TUT4: variants seen among roughly 807,000 people sequenced by gnomAD.
TUT4 encodes terminal uridylyltransferase 4.
Under a neutral mutation model 192.2 loss-of-function variants are expected in TUT4, and 36 were observed. The ratio of observed to expected loss-of-function variants is 0.19; its 90% CI spans 0.14 to 0.25. TUT4 has a LOEUF of 0.25. Ranked by LOEUF, TUT4 falls within the 10% of genes least tolerant of loss-of-function variation. The pLI, the probability that TUT4 is intolerant of heterozygous loss-of-function variation, is 1.00. For missense variants in TUT4, 1,493 were observed against 1,957.2 expected (o/e 0.76, Z 4.47); for synonymous variants, 618 against 666.0 (o/e 0.93, Z 1.11).
Position 52,495,487 on chromosome 1 carries a change from A to G in TUT4, c.1206T>C (p.Ser402=), listed in dbSNP as rs748967117. ...PECSLRLYGS[S]LTRFALKSSD... is the part of the protein sequence containing the mutation. Reference sequence around the variant, plus strand: ...TACTTTTCAGAGCAAATCTAGTCAGAGATGAGCCATACAACCTAAGTGAAC... The same window carrying G: ...TACTTTTCAGAGCAAATCTAGTCAGGGATGAGCCATACAACCTAAGTGAAC... The change falls in exon 6 of 30, where the codon TCT becomes TCC. Residue 402 remains serine, a synonymous_variant. Coordinates refer to ENST00000257177, the MANE Select transcript of TUT4 (RefSeq NM_001009881.3). 1.2e-6 allele frequency: 2 copies of G among 1,611,098 alleles called. No individual in the cohort carries two copies. The highest frequency in any genetic ancestry group is 2.2e-5 in the South Asian group (2 of 90,586).
At chr1:52,505,483 G>A (rs562832890) in intron 4 of TUT4, among the ~76,000 whole-genome samples, 88 of 141,202 alleles carry the variant, frequency 6.2e-4, no homozygotes, top group Non-Finnish European at 9.9e-4. Flanking sequence ...GTGCAGTGGC[G>A]CCATCTCAGC....
chr1:52,510,794 T>C (rs904056610), intron 3 of TUT4, among the ~76,000 whole-genome samples: 3 of 152,176 alleles, frequency 2.0e-5, no homozygotes, highest in Non-Finnish European at 2.9e-5. Context: ...CAAAAGCCCA[T>C]AGAACCTGCA....
chr1:52,518,654 C>T (rs543181607), intron 2 of TUT4, among the ~76,000 whole-genome samples: 1 of 152,314 alleles, frequency 6.6e-6, no homozygotes, highest in South Asian at 2.1e-4. Flanking sequence ...GGTACTGATA[C>T]ACGTTACAAC....
chr1:52,541,822 A>G (rs1331081819), intron 1 of TUT4, among the ~76,000 whole-genome samples: 1 of 152,252 alleles, frequency 6.6e-6, no homozygotes, highest in Non-Finnish European at 1.5e-5. Context: ...AAAATTAAAC[A>G]TAGAATGATC....
intron 7 of TUT4, among the ~76,000 whole-genome samples, chr1:52,491,148 T>C (rs1671048631): frequency 6.6e-6 from 1 of 152,190 alleles, no homozygotes; most frequent in Non-Finnish European, 1.5e-5. Flanking sequence ...CACCCCTTAC[T>C]CCTGAGAGCT....
intron 9 of TUT4, among the ~76,000 whole-genome samples, chr1:52,484,498 G>A (rs551316642): frequency 6.6e-6 from 1 of 151,974 alleles, no homozygotes; most frequent in South Asian, 2.1e-4. Flanking sequence ...ACACCTTCTA[G>A]GTATCCTATC....
chr1:52,546,761 T>C (rs893124232), intron 1 of TUT4, among the ~76,000 whole-genome samples: 1 of 152,204 alleles, frequency 6.6e-6, no homozygotes, highest in Non-Finnish European at 1.5e-5. Context: ...GTACACTTTA[T>C]CACAATTTTT....
intron 1 of TUT4, among the ~76,000 whole-genome samples, 158 bp downstream of exon 1, chr1:52,552,773 G>A (rs1571620242): frequency 6.6e-6 from 1 of 152,208 alleles, no homozygotes; most frequent in African/African-American, 2.4e-5. Flanking sequence ...AGGAAAGAAA[G>A]AAGTGTCAGG....
chr1:52,495,372 TA>T, intron 6 of TUT4, 54 bp downstream of exon 6: 1 of 1,122,708 alleles, frequency 8.9e-7, no homozygotes, highest in Non-Finnish European at 1.3e-6. Flanking sequence ...AGATAATCCA[TA>T]AAAATTACTA....
chr1:52,432,779 A>C (rs1347833629), intron 27 of TUT4: 1 of 152,132 alleles, frequency 6.6e-6, no homozygotes, highest in Non-Finnish European at 1.5e-5. Context: ...AAATTAGCCA[A>C]GTGTGGTGGT....
chr1:52,542,433 A>G lies in TUT4; in HGVS notation c.-94+10498T>C, dbSNP rs191946951. Among the ~76,000 whole-genome samples, 5 of 152,348 alleles carry G rather than the reference A, an allele frequency of 3.3e-5. No individual in the cohort carries two copies. The East Asian group carries it at 9.6e-4, about 29-fold the overall frequency. On this transcript the variant is annotated intron_variant, in intron 1 of 29. Transcript: ENST00000257177. Reference sequence around the variant, plus strand: ...CAGCAGCACAGTTAAAGAATTGTACACCACGATCAAATGGGATTTATTCCT... The same window carrying G: ...CAGCAGCACAGTTAAAGAATTGTACGCCACGATCAAATGGGATTTATTCCT...
At chr1:52,474,238 C>CGG (rs1666529108) in intron 13 of TUT4, among the ~76,000 whole-genome samples, 4 of 152,246 alleles carry the variant, frequency 2.6e-5, no homozygotes, top group African/African-American at 9.6e-5. Context: ...TTCATACTAT[C>CGG]TTACTTGAAA....
At chr1:52,487,214 G>T (rs1670010007) in intron 9 of TUT4, among the ~76,000 whole-genome samples, 1 of 152,060 alleles carries the variant, frequency 6.6e-6, no homozygotes, top group African/African-American at 2.4e-5. Context: ...GGGAGGCTAG[G>T]GTGGGAGGAT....
At chr1:52,451,034 G>C (rs1018024574) in intron 20 of TUT4, among the ~76,000 whole-genome samples, 1 of 152,180 alleles carries the variant, frequency 6.6e-6, no homozygotes, top group African/African-American at 2.4e-5. Context: ...GGGAGGCCCA[G>C]GTGGGCGGGT....
rs1402073780 is a variant in TUT4, at chr1:52,463,534, A to C, written c.3069+1536T>G. 4.3e-6 allele frequency: 5 copies of C among 1,157,650 alleles called. No individual in the cohort carries two copies. In the African/African-American group the frequency reaches 4.9e-5, roughly 11 times the overall value. The allele number at this position is 1,157,650 out of a possible 1,614,324, so 71.7% of individuals were successfully genotyped here. ...GCACACTATTCTGCTGAATTCTTTT[A>C]TAATGTAACAGAGGCGATACTGACA... On this transcript the variant is annotated intron_variant, in intron 16 of 29. Transcript: ENST00000257177.
rs748157552 is a variant in TUT4, at chr1:52,435,378, T to C, written c.4250A>G (p.Gln1417Arg). 12 of 1,613,700 alleles carry C rather than the reference T, an allele frequency of 7.4e-6. No individual in the cohort carries two copies. The highest frequency in any genetic ancestry group is 1.0e-5 in the Non-Finnish European group (12 of 1,179,790). Reference protein sequence around the residue: ...QQGDQSIRTRQSSECSESPSY... With the variant: ...QQGDQSIRTRRSSECSESPSY... Reference sequence around the variant, plus strand: ...CAGAGTACTTACACATTCTGATGACTGTCTAGTCCTTATGGACTGATCACC... The same window carrying C: ...CAGAGTACTTACACATTCTGATGACCGTCTAGTCCTTATGGACTGATCACC... Residue 1417 changes from glutamine (Q) to arginine (R), a missense_variant, in exon 27 of 30, where the codon CAG becomes CGG. This residue lies in a region of TUT4 where 351 missense variants were observed against 397.8 expected (regional missense o/e 0.88). Coordinates refer to ENST00000257177, the MANE Select transcript of TUT4 (RefSeq NM_001009881.3).
At chr1:52,527,588 A>C (rs1682156862) in intron 1 of TUT4, among the ~76,000 whole-genome samples, 2 of 152,102 alleles carry the variant, frequency 1.3e-5, no homozygotes, top group African/African-American at 4.8e-5. Flanking sequence ...TAAGAGTTTA[A>C]AAAAAAACAA....
At chr1:52,532,302 G>A (rs1683686704) in intron 1 of TUT4, among the ~76,000 whole-genome samples, 1 of 151,468 alleles carries the variant, frequency 6.6e-6, no homozygotes, top group Non-Finnish European at 1.5e-5. Context: ...TAAATAACAT[G>A]CTTAAGATAA....
chr1:52,531,773 A>AT (rs1203755288), intron 1 of TUT4, among the ~76,000 whole-genome samples: 1 of 151,828 alleles, frequency 6.6e-6, no homozygotes, highest in Non-Finnish European at 1.5e-5. Context: ...GTGGGCTCAG[A>AT]TAAGTATGCC....
Sources: gnomAD v4.1 joint callset for allele counts (sites outside exome capture counted in the v4.1 genomes callset) on GRCh38, gnomAD v4.1.1 for gene constraint, gnomAD v4.1.1 regional missense constraint, MANE v1.5 for transcripts, NCBI Gene and HGNC (gene_info 2026-07-23, HGNC 2026-07-21) for gene names.